DYNC2H1: variants seen among roughly 807,000 people sequenced by gnomAD.
DYNC2H1 encodes cytoplasmic dynein 2 heavy chain 1.
A neutral mutation model predicts 570.0 loss-of-function variants in DYNC2H1; 410 were observed. That is an observed-to-expected ratio of 0.72 (90% confidence interval 0.66 to 0.78). The LOEUF (loss-of-function observed/expected upper bound fraction) is 0.78. Among genes scored for constraint, DYNC2H1 ranks in the 30% least tolerant of loss-of-function variants. DYNC2H1 has a pLI of 0.00. For missense variants in DYNC2H1, 4,865 were observed against 5,046.4 expected (o/e 0.96, Z 1.09); for synonymous variants, 1,688 against 1,677.6 (o/e 1.01, Z -0.15).
chr11:103,466,101 AAC>A (rs1491211150), intron 87 of DYNC2H1, among the ~76,000 whole-genome samples: 1 of 146,642 alleles, frequency 6.8e-6, no homozygotes, highest in African/African-American at 2.5e-5. Flanking sequence ...AGACTAATGT[AAC>A]ACAAAAAAAA....
chr11:103,109,559 T>G lies in DYNC2H1; in HGVS notation c.-16T>G. 6.2e-7 allele frequency: 1 copy of G among 1,611,482 alleles called. No homozygotes were observed. The highest frequency in any genetic ancestry group is 8.5e-7 in the Non-Finnish European group (1 of 1,178,488). ...TCCTTCCCCCTTCCCCCAACTTCCCTCCACCCCTTCCAATCATGGCGAACG... is the reference window on the plus strand; with the variant it reads ...TCCTTCCCCCTTCCCCCAACTTCCCGCCACCCCTTCCAATCATGGCGAACG... On this transcript the variant is annotated 5_prime_UTR_variant, in exon 1 of 89. Transcript: ENST00000375735.
At chr11:103,251,331 A>T (rs2135247947) in intron 65 of DYNC2H1, among the ~76,000 whole-genome samples, 1 of 152,258 alleles carries the variant, frequency 6.6e-6, no homozygotes, top group South Asian at 2.1e-4. Flanking sequence ...GTGGTTACAC[A>T]AACTTTTTGG....
intron 84 of DYNC2H1, among the ~76,000 whole-genome samples, chr11:103,419,719 G>T (rs1490399714): frequency 6.6e-6 from 1 of 152,138 alleles, no homozygotes; most frequent in Non-Finnish European, 1.5e-5. Context: ...AAGCCAGAGT[G>T]CCTCTTCTCC....
chr11:103,213,548 A>C lies in DYNC2H1; in HGVS notation c.8694+1605A>C, dbSNP rs189987944. 3.8e-3 allele frequency among the ~76,000 whole-genome samples: 582 copies of C among 152,088 alleles called. 15 individuals are homozygous for C. Among genetic ancestry groups the C allele is most frequent in the Non-Finnish European group, 2.0e-3 (137 of 67,990 alleles). On this transcript the variant is annotated intron_variant, in intron 54 of 88. Transcript: ENST00000375735. ...GGGTACATGTGATATTTTGATTCATACAAGAATGTGTAATGATCAAAGGGT... is the reference window on the plus strand; with the variant it reads ...GGGTACATGTGATATTTTGATTCATCCAAGAATGTGTAATGATCAAAGGGT...
At chr11:103,344,478 A>G (rs561303015) in intron 82 of DYNC2H1, among the ~76,000 whole-genome samples, 5 of 152,266 alleles carry the variant, frequency 3.3e-5, no homozygotes, top group African/African-American at 1.2e-4. Flanking sequence ...TTGCAGCCAC[A>G]CCTGCTACAC....
In DYNC2H1 at chr11:103,264,194, G is replaced by A. The variant is rs1172115449; in HGVS notation, c.10695+4217G>A. On this transcript the variant is annotated intron_variant, in intron 70 of 88. Transcript: ENST00000375735. The surrounding 1 kb of genome is among the most constrained non-coding windows in gnomAD (Gnocchi z 4.8). Reference sequence around the variant, plus strand: ...CCTGAATAGACCAATAACAAGTTCTGAAATTGAGGCAGTAATTAATAGCCT... The same window carrying A: ...CCTGAATAGACCAATAACAAGTTCTAAAATTGAGGCAGTAATTAATAGCCT... 1.3e-5 allele frequency among the ~76,000 whole-genome samples: 2 copies of A among 152,156 alleles called. No homozygotes were observed. The highest frequency in any genetic ancestry group is 6.5e-5 in the Admixed American group (1 of 15,274).
chr11:103,300,424 T>C (rs1867000872), intron 75 of DYNC2H1, among the ~76,000 whole-genome samples: 1 of 152,040 alleles, frequency 6.6e-6, no homozygotes, highest in Non-Finnish European at 1.5e-5. Flanking sequence ...TAAATAGTTT[T>C]GAATGATTCA....
intron 82 of DYNC2H1, among the ~76,000 whole-genome samples, chr11:103,336,348 C>T (rs1939127333): frequency 6.6e-6 from 1 of 152,154 alleles, no homozygotes; most frequent in South Asian, 2.1e-4. Context: ...TTATTATTAA[C>T]TATAGTTTCC....
Position 103,283,297 on chromosome 11 carries a change from AC to A in DYNC2H1, c.10890+213del, listed in dbSNP as rs142537327. On this transcript the variant is annotated intron_variant, in intron 73 of 88. Transcript: ENST00000375735. ...TTATGAAATAGCATGCCTTCCAAAT[AC>A]AGTATTTTCTTTCTCTCCCTTCCCA... Among the ~76,000 whole-genome samples the A allele has an allele frequency of 0.028, 4,326 of 152,162 alleles. 77 individuals are homozygous for A. Among genetic ancestry groups the A allele is most frequent in the Non-Finnish European group, 0.04 (2,699 of 67,944 alleles).
chr11:103,477,954 A>AAAT, intron 88 of DYNC2H1, among the ~76,000 whole-genome samples: 1 of 152,004 alleles, frequency 6.6e-6, no homozygotes, highest in African/African-American at 2.4e-5. Context: ...CCAGGGCAGG[A>AAAT]AATATAAAAG....
intron 85 of DYNC2H1, among the ~76,000 whole-genome samples, chr11:103,449,515 A>G (rs1448817475): frequency 1.3e-5 from 2 of 152,210 alleles, no homozygotes; most frequent in Non-Finnish European, 2.9e-5. Flanking sequence ...AAATTGATCC[A>G]TTGTTTAAAG....
chr11:103,279,846 G>A (rs530133914), intron 70 of DYNC2H1, among the ~76,000 whole-genome samples: 1 of 152,162 alleles, frequency 6.6e-6, no homozygotes, highest in African/African-American at 2.4e-5. Context: ...GACTTATTTG[G>A]TATAACTTTT....
Position 103,239,274 on chromosome 11 carries a change from A to G in DYNC2H1, c.9819+2735A>G, listed in dbSNP as rs1327090534. Among the ~76,000 whole-genome samples the G allele has an allele frequency of 6.6e-6, 1 of 152,134 alleles. No homozygotes were observed. Among genetic ancestry groups the G allele is most frequent in the African/African-American group, 2.4e-5 (1 of 41,430 alleles). On this transcript the variant is annotated intron_variant, in intron 63 of 88. Coordinates refer to ENST00000375735, the MANE Select transcript of DYNC2H1 (RefSeq NM_001377.3). This position sits in a 1 kb window ranked among gnomAD's most constrained non-coding sequence, Gnocchi z 4.3. ...GGTATATGCTGAGGAAATGCAAACT[A>G]ATGTGATACTAGTCTAAGAATATAA...
At chr11:103,238,783 C>T (rs1456998177) in intron 63 of DYNC2H1, among the ~76,000 whole-genome samples, 3 of 152,106 alleles carry the variant, frequency 2.0e-5, no homozygotes, top group Non-Finnish European at 2.9e-5. Context: ...TAGTCAAATC[C>T]TTACATACCC....
rs7103012 is a variant in DYNC2H1, at chr11:103,307,475, A to G, written c.11383-246A>G. On this transcript the variant is annotated intron_variant, in intron 77 of 88. Coordinates refer to ENST00000375735, the MANE Select transcript of DYNC2H1 (RefSeq NM_001377.3). ...AATAAGTCAAAGAGACCAAGGTCACATAGCAGATTAGTGGCAAAGTATGAA... is the reference window on the plus strand; with the variant it reads ...AATAAGTCAAAGAGACCAAGGTCACGTAGCAGATTAGTGGCAAAGTATGAA... Among the ~76,000 whole-genome samples, 26,212 of 152,008 alleles carry G rather than the reference A, an allele frequency of 0.17. 2,423 individuals carry two copies. The highest frequency in any genetic ancestry group is 0.26 in the Admixed American group (3,944 of 15,236).
Position 103,260,597 on chromosome 11 carries a change from CA to C in DYNC2H1, c.10695+621del, listed in dbSNP as rs573979342. Among the ~76,000 whole-genome samples the C allele has an allele frequency of 3.4e-3, 516 of 151,418 alleles. 2 individuals are homozygous for C. The highest frequency in any genetic ancestry group is 0.021 in the Middle Eastern group (6 of 290). On this transcript the variant is annotated intron_variant, in intron 70 of 88. Coordinates refer to ENST00000375735, the MANE Select transcript of DYNC2H1 (RefSeq NM_001377.3). ...TAGAAATTTTAGATATTAGAAAACG[CA>C]GAGGCCTTTTTGTACTTAGAATTTT... is the stretch of plus-strand genomic sequence containing the variant.
At position 103,257,662 on chromosome 11, in the gene DYNC2H1, A is replaced by G. The variant is rs780708328; in HGVS notation, c.10516A>G (p.Ile3506Val). 6.2e-7 allele frequency: 1 copy of G among 1,613,106 alleles called. No individual in the cohort carries two copies. Among genetic ancestry groups the G allele is most frequent in the Non-Finnish European group, 8.5e-7 (1 of 1,179,410 alleles). ...GAGTGCCAGCAAGATGTACTTCATT[A>G]TTTCTGATTTGTCCAAAATTAATAA... ...AESASKMYFIISDLSKINNMY... is the reference protein window; with the variant it reads ...AESASKMYFIVSDLSKINNMY... The change falls in exon 69 of 89, where the codon ATT becomes GTT. Residue 3506 changes from isoleucine (I) to valine (V), a missense_variant. Transcript: ENST00000375735.
At chr11:103,149,804 G>A (rs1470375211) in intron 20 of DYNC2H1, among the ~76,000 whole-genome samples, 1 of 149,854 alleles carries the variant, frequency 6.7e-6, no homozygotes, top group Non-Finnish European at 1.5e-5. Context: ...GAGCAAAAGA[G>A]GATTGAGAGA....
At chr11:103,192,015 T>G in intron 46 of DYNC2H1, 82 bp from the exon 47 acceptor site, 1 of 1,150,328 alleles carries the variant, frequency 8.7e-7, no homozygotes, top group South Asian at 2.3e-5. Flanking sequence ...TGTAGACACC[T>G]GCTATTTCTT....
Sources: gnomAD v4.1 joint callset for allele counts (sites outside exome capture counted in the v4.1 genomes callset) on GRCh38, gnomAD v4.1.1 for gene constraint, Gnocchi (gnomAD v3.1) non-coding constraint, MANE v1.5 for transcripts, NCBI Gene and HGNC (gene_info 2026-07-23, HGNC 2026-07-21) for gene names.